EGLN3: variants seen among roughly 807,000 people sequenced by gnomAD.
EGLN3 encodes the protein egl-9 family hypoxia inducible factor 3.
Under a neutral mutation model 26.0 loss-of-function variants are expected in EGLN3, and 15 were observed. The ratio of observed to expected loss-of-function variants is 0.58; its 90% CI spans 0.39 to 0.89. The LOEUF is 0.89. Ranked by LOEUF, EGLN3 falls within the 40% of genes least tolerant of loss-of-function variation. The probability of loss-of-function intolerance (pLI) is 0.00; values close to 1 mark genes in which losing one functional copy is unlikely to be tolerated. For missense variants in EGLN3, 238 were observed against 311.6 expected, an observed-to-expected ratio of 0.76 and a Z score of 1.78; for synonymous variants, 147 against 127.2, an observed-to-expected ratio of 1.16 and a Z score of -1.05.
intron 1 of EGLN3, chr14:33,931,421 G>A: frequency 1.6e-6 from 1 of 616,970 alleles, no homozygotes; most frequent in Non-Finnish European, 2.7e-6. Flanking sequence ...CTGCCCAGTG[G>A]AAAGTAGTTC....
intron 1 of EGLN3, among the ~76,000 whole-genome samples, chr14:33,942,855 G>T (rs1594383641): frequency 1.3e-5 from 2 of 152,168 alleles, no homozygotes; most frequent in Admixed American, 1.3e-4. Context: ...ACCTTCTAAA[G>T]AATCAAAAAT....
At position 33,931,146 on chromosome 14, in the gene EGLN3, C is replaced by T; in HGVS notation, c.427G>A (p.Gly143Ser). 1 of 1,614,180 alleles carries T rather than the reference C, an allele frequency of 6.2e-7. No homozygotes were observed. Among genetic ancestry groups the T allele is most frequent in the Non-Finnish European group, 8.5e-7 (1 of 1,180,026 alleles). Residue 143 changes from glycine (G) to serine (S), a missense_variant, in exon 2 of 5, where the codon GGT (glycine) becomes AGT (serine). Gly to Ser is a moderately conservative substitution (Grantham distance 56, BLOSUM62 0). Coordinates refer to ENST00000250457, the MANE Select transcript of EGLN3 (RefSeq NM_022073.4). The part of the protein sequence containing the change: ...VRHVDNPNGD[G>S]RCITCIYYLN... Reference sequence around the variant, plus strand: ...TAGTAGATGCAGGTGATGCAGCGACCATCACCGTTGGGGTTGTCCACGTGG... The same window carrying T: ...TAGTAGATGCAGGTGATGCAGCGACTATCACCGTTGGGGTTGTCCACGTGG...
At chr14:33,929,683 TA>T (rs1346010063) in intron 2 of EGLN3, among the ~76,000 whole-genome samples, 1 of 152,106 alleles carries the variant, frequency 6.6e-6, no homozygotes, top group African/African-American at 2.4e-5. Context: ...CAAACTTAGC[TA>T]GAGATATCTC....
intron 2 of EGLN3, among the ~76,000 whole-genome samples, chr14:33,929,731 C>T (rs9630357): frequency 0.19 from 28,427 of 152,002 alleles, 2,882 homozygotes; most frequent in East Asian, 0.36. Context: ...ACTCCCACCC[C>T]CCACAGTCAT....
At chr14:33,931,038 C>G in intron 2 of EGLN3, 58 bp downstream of exon 2, 1 of 1,603,612 alleles carries the variant, frequency 6.2e-7, no homozygotes, top group Non-Finnish European at 8.5e-7. Context: ...TCTAAGTTAT[C>G]TGAATCATTT....
At chr14:33,936,557 C>CT (rs141310992) in intron 1 of EGLN3, among the ~76,000 whole-genome samples, 2,261 of 152,200 alleles carry the variant, frequency 0.015, 61 homozygotes, top group African/African-American at 0.051. Flanking sequence ...ACTTTAGGTC[C>CT]TGCCTTCATC....
rs11156819 is a variant in EGLN3 at position 33,925,527 on chromosome 14, C to T, written c.*364G>A. The T allele has an allele frequency of 0.18, 32,004 of 177,366 alleles. 3,177 individuals carry two copies. The highest frequency in any genetic ancestry group is 0.33 in the East Asian group (2,218 of 6,668). 11.0% of individuals were successfully genotyped at this position (177,366 alleles called of 1,614,324 possible). On this transcript the variant is annotated 3_prime_UTR_variant, in exon 5 of 5. Coordinates refer to ENST00000250457, the MANE Select transcript of EGLN3 (RefSeq NM_022073.4). ...CCACCTCCATTTTTTTCTTTTCAAA[C>T]CTCCTCCTTTCAAATCAGGAAGTAT...
At chr14:33,935,417 A>G (rs1302999096) in intron 1 of EGLN3, among the ~76,000 whole-genome samples, 1 of 152,166 alleles carries the variant, frequency 6.6e-6, no homozygotes, top group Non-Finnish European at 1.5e-5. Context: ...TCCGGTATAC[A>G]TGAGTCAGAA....
At position 33,925,738 on chromosome 14, in the gene EGLN3, T is replaced by C. The variant is rs906393161; in HGVS notation, c.*153A>G. ...TCAACACAGTCTTGGCAAGAAAACA[T>C]GAAGTACCACACACAAGACAGGGAT... On this transcript the variant is annotated 3_prime_UTR_variant, in exon 5 of 5. Transcript: ENST00000250457. 3.7e-6 allele frequency: 3 copies of C among 811,460 alleles called. No homozygotes were observed. Among genetic ancestry groups the C allele is most frequent in the African/African-American group, 3.4e-5 (2 of 58,288 alleles). The allele number at this position is 811,460 out of a possible 1,614,324, so 50.3% of individuals were successfully genotyped here. A position where few individuals can be genotyped will look rare whatever the true frequency, so the allele number is the denominator to read the frequency against.
At chr14:33,927,691 G>C (rs2064372071) in intron 3 of EGLN3, among the ~76,000 whole-genome samples, 1 of 152,180 alleles carries the variant, frequency 6.6e-6, no homozygotes, top group Non-Finnish European at 1.5e-5. Context: ...GACTAGAAGG[G>C]AGTCATTCTG....
chr14:33,934,046 AAC>A (rs1266536194), intron 1 of EGLN3, among the ~76,000 whole-genome samples: 1 of 152,264 alleles, frequency 6.6e-6, no homozygotes, highest in Non-Finnish European at 1.5e-5. Context: ...ACGCAAGTTT[AAC>A]ACAGTAGTGT....
At chr14:33,947,836 G>C (rs1177442272) in intron 1 of EGLN3, among the ~76,000 whole-genome samples, 1 of 152,128 alleles carries the variant, frequency 6.6e-6, no homozygotes, top group Non-Finnish European at 1.5e-5. Flanking sequence ...TGGATCATGA[G>C]GTCAAGAGAT....
At position 33,950,880 on chromosome 14, in the gene EGLN3, C is replaced by A; in HGVS notation, c.-128G>T. On this transcript the variant is annotated 5_prime_UTR_variant, in exon 1 of 5. Transcript: ENST00000250457. ...AGAAACCTGCGGCTGCCACGGTACCCGAGCCGCTGCAGCGTCGGGGACAAG... is the reference window on the plus strand; with the variant it reads ...AGAAACCTGCGGCTGCCACGGTACCAGAGCCGCTGCAGCGTCGGGGACAAG... 2 of 759,102 alleles carry A rather than the reference C, an allele frequency of 2.6e-6. No individual in the cohort carries two copies. The highest frequency in any genetic ancestry group is 1.8e-5 in the African/African-American group (1 of 56,540). The allele number at this position is 759,102 out of a possible 1,614,324, so 47.0% of individuals were successfully genotyped here. A position where few individuals can be genotyped will look rare whatever the true frequency, so the allele number is the denominator to read the frequency against.
chr14:33,938,838 C>T (rs1386038350), intron 1 of EGLN3, among the ~76,000 whole-genome samples: 1 of 152,158 alleles, frequency 6.6e-6, no homozygotes, highest in African/African-American at 2.4e-5. Context: ...TGAGTCACAC[C>T]GCTCCAAGTC....
rs537769525 is a variant in EGLN3 at position 33,945,113 on chromosome 14, T to C, written c.357+5283A>G. 2.0e-5 allele frequency among the ~76,000 whole-genome samples: 3 copies of C among 152,334 alleles called. No homozygotes were observed. In the South Asian group the frequency reaches 6.2e-4, roughly 32 times the overall value. On this transcript the variant is annotated intron_variant, in intron 1 of 4. Coordinates refer to ENST00000250457, the MANE Select transcript of EGLN3 (RefSeq NM_022073.4). Reference sequence around the variant, plus strand: ...CCTACAGGAGCTAAGTTATTTTTAATACAAAAGCTTTTATAGGAATCCCTT... The same window carrying C: ...CCTACAGGAGCTAAGTTATTTTTAACACAAAAGCTTTTATAGGAATCCCTT...
chr14:33,927,012 G>A lies in EGLN3; in HGVS notation c.636C>T (p.Tyr212=). The A allele has an allele frequency of 6.2e-7, 1 of 1,608,846 alleles. No individual in the cohort carries two copies. Among genetic ancestry groups the A allele is most frequent in the South Asian group, 1.1e-5 (1 of 90,104 alleles). Residue 212 remains tyrosine (Y), a synonymous_variant, in exon 4 of 5, where the codon TAC becomes TAT. Transcript: ENST00000250457. ...YATRYAMTVW[Y]FDAEERAEAK... is the part of the protein sequence containing the mutation. ...CTTCTGCCCTTTCTTCAGCATCAAA[G>A]TACCAGACAGTCATAGCATATCTGT...
At chr14:33,938,417 G>C (rs1449448984) in intron 1 of EGLN3, among the ~76,000 whole-genome samples, 1 of 152,216 alleles carries the variant, frequency 6.6e-6, no homozygotes, top group African/African-American at 2.4e-5. Flanking sequence ...CAGGGTGTTT[G>C]GGTTTGGGCA....
At chr14:33,932,440 T>C (rs1769607) in intron 1 of EGLN3, among the ~76,000 whole-genome samples, 52,473 of 151,998 alleles carry the variant, frequency 0.35, 9,943 homozygotes, top group Non-Finnish European at 0.44. Context: ...ACCGTTTGAG[T>C]AGAGCCCCAA....
chr14:33,925,943 A>G (rs77906272), intron 4 of EGLN3, 21 bp from the exon 5 acceptor site: 1 of 611,710 alleles, frequency 1.6e-6, no homozygotes, highest in Non-Finnish European at 2.6e-6. Context: ...GACAGAAAGG[A>G]GAATAAAGAG....
Sources: allele counts gnomAD v4.1 joint callset (sites outside exome capture counted in the v4.1 genomes callset), GRCh38; gene constraint gnomAD v4.1.1; transcripts MANE v1.5; gene names NCBI Gene and HGNC (gene_info 2026-07-23, HGNC 2026-07-21).